TMF1: variants seen among roughly 807,000 people sequenced by gnomAD.
The protein encoded by TMF1 is TATA element modulatory factor 1, also known as TATA element modulatory factor.
TMF1 carries 71 observed loss-of-function variants against 126.5 expected under a neutral mutation model. The observed-to-expected ratio is 0.56, with a 90% confidence interval of 0.46 to 0.68. TMF1 has a LOEUF of 0.68. TMF1 is among the 30% of genes least tolerant of loss of function. The pLI, the probability that TMF1 is intolerant of heterozygous loss-of-function variation, is 0.00. For synonymous variants in TMF1, 461 were observed against 430.5 expected, an observed-to-expected ratio of 1.07 and a Z score of -0.88; for missense variants, 1,259 against 1,253.2, an observed-to-expected ratio of 1.00 and a Z score of -0.07.
rs2091816916 is a variant in TMF1 at position 69,033,629 on chromosome 3, G to C, written c.2320C>G (p.Gln774Glu). The C allele has an allele frequency of 6.2e-7, 1 of 1,613,928 alleles. No individual in the cohort carries two copies. The highest frequency in any genetic ancestry group is 8.5e-7 in the Non-Finnish European group (1 of 1,179,984). ...AGGGTTGCTTGCAAATTTTCTATTT[G>C]TCGAAGCAATGGTCTTGTTGTTGAT... Reference protein sequence around the residue: ...VSSTTRPLLRQIENLQATLGS... With the variant: ...VSSTTRPLLREIENLQATLGS... The change falls in exon 10 of 17, where the codon CAA becomes GAA. Residue 774 changes from glutamine to glutamate, a missense_variant. Physicochemically the swap from Gln to Glu is conservative, Grantham distance 29 (BLOSUM62 2). Coordinates refer to ENST00000398559, the MANE Select transcript of TMF1 (RefSeq NM_007114.3).
chr3:69,036,102 C>A (rs1195910810), intron 8 of TMF1, among the ~76,000 whole-genome samples: 1 of 152,144 alleles, frequency 6.6e-6, no homozygotes, highest in East Asian at 1.9e-4. Context: ...TAAGAAATAG[C>A]TGAAAATACT....
At position 69,029,920 on chromosome 3, in the gene TMF1, G is replaced by A; in HGVS notation, c.2489C>T (p.Ser830Phe). The A allele has an allele frequency of 6.2e-7, 1 of 1,614,040 alleles. No individual in the cohort carries two copies. Among genetic ancestry groups the A allele is most frequent in the Non-Finnish European group, 8.5e-7 (1 of 1,179,978 alleles). ...ELLANKIQMSSMESQNSLLRQ... is the reference protein window; with the variant it reads ...ELLANKIQMSFMESQNSLLRQ... ...TAAAAGAGAATTCTGTGACTCCATG[G>A]AAGACATCTGAATTTTGTTAGCAAG... Residue 830 changes from serine to phenylalanine, a missense_variant, in exon 11 of 17, where the codon TCC (serine) becomes TTC (phenylalanine). Physicochemically the swap from Ser to Phe is radical, Grantham distance 155. Coordinates refer to ENST00000398559, the MANE Select transcript of TMF1 (RefSeq NM_007114.3).
In TMF1 at chr3:69,027,896, A is replaced by G. The variant is rs1247651623; in HGVS notation, c.2757+4T>C. 1.3e-6 allele frequency: 2 copies of G among 1,492,088 alleles called. No homozygotes were observed. Among genetic ancestry groups the G allele is most frequent in the South Asian group, 1.2e-5 (1 of 85,590 alleles). 92.4% of individuals were successfully genotyped at this position (1,492,088 alleles called of 1,614,324 possible). ...CACAAACAAACAAAAACAAAATTCA[A>G]TACCTTTTCTTTTATTGTTTCTTGA... On this transcript the variant is annotated splice_donor_region_variant and intron_variant, in intron 13 of 16. Transcript: ENST00000398559.
intron 5 of TMF1, among the ~76,000 whole-genome samples, chr3:69,041,783 G>A (rs1173047758): frequency 6.6e-6 from 1 of 151,856 alleles, no homozygotes; most frequent in Non-Finnish European, 1.5e-5. Context: ...TATAATATTG[G>A]ATTATAATCT....
At chr3:69,049,371 C>G (rs1336480462) in intron 1 of TMF1, among the ~76,000 whole-genome samples, 2 of 152,184 alleles carry the variant, frequency 1.3e-5, no homozygotes, top group Non-Finnish European at 2.9e-5. Context: ...GAGAACCTGT[C>G]TCGAAAACAA....
chr3:69,047,326 A>G (rs2091900731), intron 2 of TMF1, 32 bp downstream of exon 2: 1 of 1,519,076 alleles, frequency 6.6e-7, no homozygotes, highest in Admixed American at 2.3e-5. Flanking sequence ...CAAAAAGCAC[A>G]TCTAAAAATC....
intron 2 of TMF1, among the ~76,000 whole-genome samples, chr3:69,045,776 G>A (rs894167527): frequency 1.3e-5 from 2 of 151,968 alleles, no homozygotes; most frequent in African/African-American, 2.4e-5. Context: ...TAAAATAAAA[G>A]TAGGGCTGGA....
rs370063861 is a variant in TMF1 at position 69,029,890 on chromosome 3, T to A, written c.2519A>T (p.Gln840Leu). 4 of 1,614,188 alleles carry A rather than the reference T, an allele frequency of 2.5e-6. No individual in the cohort carries two copies. The highest frequency in any genetic ancestry group is 3.4e-6 in the Non-Finnish European group (4 of 1,180,010). The part of the protein sequence containing the change: ...SMESQNSLLR[Q>L]ENSRFQAQLE... ...CTGGGCTTGAAATCTACTGTTTTCC[T>A]GTCTTAAAAGAGAATTCTGTGACTC... Residue 840 changes from glutamine (Q) to leucine (L), a missense_variant, in exon 11 of 17, where the codon CAG (glutamine) becomes CTG (leucine). Gln to Leu is a moderately radical substitution (Grantham distance 113). Coordinates refer to ENST00000398559, the MANE Select transcript of TMF1 (RefSeq NM_007114.3).
chr3:69,026,101 A>G lies in TMF1; in HGVS notation c.2758-4T>C. 6.2e-7 allele frequency: 1 copy of G among 1,605,684 alleles called. No homozygotes were observed. Among genetic ancestry groups the G allele is most frequent in the Non-Finnish European group, 8.5e-7 (1 of 1,173,702 alleles). ...AAACAGAAAATGGCTTGCGTTCCTT[A>G]GGGAGTAAAAAAAATTCTGTTCATA... On this transcript the variant is annotated splice_region_variant and splice_polypyrimidine_tract_variant and intron_variant, in intron 13 of 16. Coordinates refer to ENST00000398559, the MANE Select transcript of TMF1 (RefSeq NM_007114.3).
rs2091908211 is a variant in TMF1 at position 69,048,415 on chromosome 3, A to G, written c.290T>C (p.Phe97Ser). The stretch of plus-strand genomic sequence containing the variant: ...ATCAGTTGGCGAGAGAAAGGCACTG[A>G]AGAAATTTTCAGATTCATCGACCAC... ...RTVVDESENFFSAFLSPTDVQ... is the reference protein window; with the variant it reads ...RTVVDESENFSSAFLSPTDVQ... Residue 97 changes from phenylalanine (F) to serine (S), a missense_variant, in exon 2 of 17, where the codon TTC becomes TCC. Physicochemically the swap from Phe to Ser is radical, Grantham distance 155. Transcript: ENST00000398559. The G allele has an allele frequency of 6.2e-7, 1 of 1,614,056 alleles. No individual in the cohort carries two copies. The highest frequency in any genetic ancestry group is 8.5e-7 in the Non-Finnish European group (1 of 1,180,042).
At position 69,043,815 on chromosome 3, in the gene TMF1, G is replaced by C; in HGVS notation, c.1513C>G (p.Gln505Glu). Residue 505 changes from glutamine to glutamate, a missense_variant, in exon 4 of 17, where the codon CAA (glutamine) becomes GAA (glutamate). Physicochemically the swap from Gln to Glu is conservative, Grantham distance 29. Transcript: ENST00000398559. Reference protein sequence around the residue: ...SISSLKDEFTQRIAEAEKKVQ... With the variant: ...SISSLKDEFTERIAEAEKKVQ... ...TTCTTTTCTGCTTCTGCAATTCTTTGAGTAAACTCATCTTTCAAGGAAGAA... is the reference window on the plus strand; with the variant it reads ...TTCTTTTCTGCTTCTGCAATTCTTTCAGTAAACTCATCTTTCAAGGAAGAA... 1 of 1,611,776 alleles carries C rather than the reference G, an allele frequency of 6.2e-7. No individual in the cohort carries two copies. Among genetic ancestry groups the C allele is most frequent in the Non-Finnish European group, 8.5e-7 (1 of 1,178,810 alleles).
chr3:69,042,746 G>T, intron 5 of TMF1, 61 bp downstream of exon 5: 1 of 1,353,504 alleles, frequency 7.4e-7, no homozygotes, highest in Non-Finnish European at 1.1e-6. Context: ...AGCTAGTTAT[G>T]TGGCAAGTAC....
At chr3:69,051,880 A>T (rs1037977905) in intron 1 of TMF1, 65 bp downstream of exon 1, 1 of 1,578,278 alleles carries the variant, frequency 6.3e-7, no homozygotes, top group African/African-American at 1.4e-5. Context: ...TACACCACTT[A>T]ACCTGCCTGC....
chr3:69,038,703 T>G lies in TMF1; in HGVS notation c.2012A>C (p.His671Pro). ...DSAYKELTDL[H>P]KANAAKDSEA... Reference sequence around the variant, plus strand: ...ACTATCCTTTGCAGCATTGGCTTTGTGAAGATCAGTAAGTTCTCTTAAAAA... The same window carrying G: ...ACTATCCTTTGCAGCATTGGCTTTGGGAAGATCAGTAAGTTCTCTTAAAAA... The change falls in exon 8 of 17, where the codon CAC becomes CCC. Residue 671 changes from histidine to proline, a missense_variant. Physicochemically the swap from His to Pro is moderately conservative, Grantham distance 77. Transcript: ENST00000398559. 6.2e-7 allele frequency: 1 copy of G among 1,611,350 alleles called. No homozygotes were observed. Among genetic ancestry groups the G allele is most frequent in the Non-Finnish European group, 8.5e-7 (1 of 1,179,184 alleles).
intron 4 of TMF1, 110 bp downstream of exon 4, chr3:69,043,640 T>A (rs2091879593): frequency 5.6e-6 from 6 of 1,070,414 alleles, no homozygotes; most frequent in Non-Finnish European, 7.9e-6. Flanking sequence ...ATAGATGATA[T>A]CCTTTTCACC....
At chr3:69,024,462 G>A in intron 15 of TMF1, 1 of 186,794 alleles carries the variant, frequency 5.4e-6, no homozygotes, top group Non-Finnish European at 1.1e-5. Context: ...TCTAATCTAA[G>A]GAAATGACAT....
At position 69,039,676 on chromosome 3, in the gene TMF1, G is replaced by T; in HGVS notation, c.1702C>A (p.Gln568Lys). The T allele has an allele frequency of 1.2e-6, 2 of 1,610,400 alleles. No homozygotes were observed. The highest frequency in any genetic ancestry group is 1.7e-6 in the Non-Finnish European group (2 of 1,178,978). Residue 568 changes from glutamine (Q) to lysine (K), a missense_variant, in exon 6 of 17, where the codon CAG (glutamine) becomes AAG (lysine). Gln to Lys is a moderately conservative substitution (Grantham distance 53). Coordinates refer to ENST00000398559, the MANE Select transcript of TMF1 (RefSeq NM_007114.3). ...LMEEGEKLSK[Q>K]QLHNSNIIKK... ...ATGATGTTAGAATTGTGCAGCTGCT[G>T]TTTTGAAAGTTTTTCTCCTGGTGAT...
intron 1 of TMF1, among the ~76,000 whole-genome samples, chr3:69,050,500 G>A (rs1461438530): frequency 6.6e-6 from 1 of 152,152 alleles, no homozygotes; most frequent in Non-Finnish European, 1.5e-5. Context: ...GCCTCTTGGA[G>A]AATACTTTAT....
chr3:69,050,063 C>T (rs1464832997), intron 1 of TMF1, among the ~76,000 whole-genome samples: 2 of 151,916 alleles, frequency 1.3e-5, no homozygotes, highest in East Asian at 3.9e-4. Context: ...AGTTCAAGAC[C>T]AGCCTGGCCA....
Sources: allele counts gnomAD v4.1 joint callset (sites outside exome capture counted in the v4.1 genomes callset), GRCh38; gene constraint gnomAD v4.1.1; transcripts MANE v1.5; gene names NCBI Gene and HGNC (gene_info 2026-07-23, HGNC 2026-07-21).